Variants in DNER observed in about 807,000 individuals in gnomAD.
DNER encodes the protein delta and Notch-like epidermal growth factor-related receptor.
DNER carries 33 observed loss-of-function variants against 78.2 expected under a neutral mutation model. That is an observed-to-expected ratio of 0.42 (90% CI 0.32 to 0.56). The LOEUF (loss-of-function observed/expected upper bound fraction) is 0.56, where lower values mean the gene tolerates loss of function less well. Ranked by LOEUF, DNER falls within the 20% of genes least tolerant of loss-of-function variation. The pLI, the probability that DNER is intolerant of heterozygous loss-of-function variation, is 0.11. For synonymous variants in DNER, 417 were observed against 384.8 expected (o/e 1.08, Z -0.98); for missense variants, 918 against 975.3 (o/e 0.94, Z 0.78).
At chr2:229,568,923 C>T (rs1257836190) in intron 4 of DNER, among the ~76,000 whole-genome samples, 1 of 152,140 alleles carries the variant, frequency 6.6e-6, no homozygotes, top group Non-Finnish European at 1.5e-5. Flanking sequence ...TGTAAATGAC[C>T]TATGTGCATA....
intron 8 of DNER, among the ~76,000 whole-genome samples, chr2:229,431,401 T>C (rs930746426): frequency 6.6e-6 from 1 of 152,162 alleles, no homozygotes; most frequent in African/African-American, 2.4e-5. Context: ...TCTAGCCATG[T>C]TGATCTAAAC....
intron 5 of DNER, among the ~76,000 whole-genome samples, chr2:229,543,317 A>G (rs1696554233): frequency 6.6e-6 from 1 of 152,154 alleles, no homozygotes; most frequent in Non-Finnish European, 1.5e-5. Flanking sequence ...GCCCGGTGCT[A>G]AACACCTACC....
chr2:229,377,832 A>C (rs1331950858), intron 11 of DNER, among the ~76,000 whole-genome samples: 3 of 152,240 alleles, frequency 2.0e-5, no homozygotes, highest in Non-Finnish European at 4.4e-5. Flanking sequence ...GGTGGGTGGT[A>C]CGAAAGGCAG....
chr2:229,416,038 C>A (rs970933302), intron 9 of DNER, among the ~76,000 whole-genome samples: 14 of 152,196 alleles, frequency 9.2e-5, no homozygotes, highest in Non-Finnish European at 1.8e-4. Flanking sequence ...ATAAGACTTT[C>A]TTCACCTCAC....
chr2:229,592,726 A>G (rs1029467031), intron 1 of DNER, among the ~76,000 whole-genome samples: 2 of 152,194 alleles, frequency 1.3e-5, no homozygotes, highest in African/African-American at 4.8e-5. Context: ...TCCTCTTCAG[A>G]TAGCGCAAGG....
chr2:229,696,257 A>T (rs542455748), intron 1 of DNER, among the ~76,000 whole-genome samples: 1 of 152,328 alleles, frequency 6.6e-6, no homozygotes, highest in East Asian at 1.9e-4. Context: ...AACCCACATG[A>T]GCTAGTTTCT....
At chr2:229,481,671 G>A (rs1308299550) in intron 6 of DNER, among the ~76,000 whole-genome samples, 1 of 152,176 alleles carries the variant, frequency 6.6e-6, no homozygotes, top group Admixed American at 6.5e-5. Flanking sequence ...GTCTTGGCCT[G>A]GGTTTTCTTT....
At chr2:229,446,556 G>A (rs73101878) in intron 8 of DNER, among the ~76,000 whole-genome samples, 10,507 of 152,192 alleles carry the variant, frequency 0.069, 1,090 homozygotes, top group African/African-American at 0.22. Context: ...GATTCATTGT[G>A]CTGGGAAGCT....
At chr2:229,512,741 C>T (rs748588837) in intron 6 of DNER, 42 bp downstream of exon 6, 1 of 1,607,744 alleles carries the variant, frequency 6.2e-7, no homozygotes, top group African/African-American at 1.3e-5. Flanking sequence ...GCATGCTGTA[C>T]AGACATACAC....
intron 4 of DNER, among the ~76,000 whole-genome samples, chr2:229,564,888 A>G (rs1559168684): frequency 6.6e-6 from 1 of 152,196 alleles, no homozygotes; most frequent in Admixed American, 6.6e-5. Flanking sequence ...GGGAAGTACA[A>G]GTAGATTGAG....
intron 10 of DNER, among the ~76,000 whole-genome samples, chr2:229,403,323 T>C (rs1386738781): frequency 6.6e-6 from 1 of 152,148 alleles, no homozygotes; most frequent in African/African-American, 2.4e-5. Flanking sequence ...TCAGGAACAA[T>C]AGATTCTCTT....
chr2:229,657,997 C>A (rs1285139321), intron 1 of DNER, among the ~76,000 whole-genome samples: 1 of 152,036 alleles, frequency 6.6e-6, no homozygotes, highest in Non-Finnish European at 1.5e-5. Context: ...GATTTGAGAA[C>A]AAGAAGATTA....
chr2:229,694,297 C>A (rs556939148), intron 1 of DNER, among the ~76,000 whole-genome samples: 1 of 152,210 alleles, frequency 6.6e-6, no homozygotes, highest in East Asian at 1.9e-4. Flanking sequence ...TCTGCTAGGG[C>A]AGTGCAGAAG....
At chr2:229,555,827 G>A (rs74371718) in intron 4 of DNER, among the ~76,000 whole-genome samples, 3,226 of 152,030 alleles carry the variant, frequency 0.021, 107 homozygotes, top group African/African-American at 0.065. Context: ...ATTACCTTTG[G>A]TAGAGAAATG....
At chr2:229,706,396 CA>C (rs35958661) in intron 1 of DNER, among the ~76,000 whole-genome samples, 3,421 of 119,818 alleles carry the variant, frequency 0.029, 129 homozygotes, top group African/African-American at 0.1. Flanking sequence ...AGTAAAAATA[CA>C]AAAAAAAAAA....
intron 7 of DNER, among the ~76,000 whole-genome samples, chr2:229,457,656 T>G (rs1275828367): frequency 7.0e-6 from 1 of 142,224 alleles, no homozygotes; most frequent in African/African-American, 2.7e-5. Context: ...AAAGAACATA[T>G]GAGAAAAATA....
chr2:229,522,552 C>T (rs190567115), intron 5 of DNER, among the ~76,000 whole-genome samples: 11 of 152,324 alleles, frequency 7.2e-5, no homozygotes, highest in Admixed American at 6.5e-4. Flanking sequence ...ACATACCATT[C>T]TACTTTCTTA....
At chr2:229,607,216 T>C (rs1206337396) in intron 1 of DNER, among the ~76,000 whole-genome samples, 1 of 152,186 alleles carries the variant, frequency 6.6e-6, no homozygotes, top group East Asian at 1.9e-4. Context: ...ACTTCTTTAA[T>C]TAACTGACCT....
chr2:229,560,889 T>C lies in DNER; in HGVS notation c.848-13797A>G, dbSNP rs563965625. 3.5e-4 allele frequency among the ~76,000 whole-genome samples: 53 copies of C among 152,016 alleles called. No homozygotes were observed. In the South Asian group the frequency reaches 3.7e-3, roughly 11 times the overall value. The stretch of plus-strand genomic sequence containing the variant: ...AGGTAAAGGGGCCGGGGGCATTAAA[T>C]AAGCATTTAAAAAGTGTCACCACAC... On this transcript the variant is annotated intron_variant, in intron 4 of 12. Transcript: ENST00000341772.
Sources: gnomAD v4.1 joint callset for allele counts (sites outside exome capture counted in the v4.1 genomes callset) on GRCh38, gnomAD v4.1.1 for gene constraint, MANE v1.5 for transcripts, NCBI Gene and HGNC (gene_info 2026-07-23, HGNC 2026-07-21) for gene names.